Variants in ROBO2 observed in about 807,000 individuals in gnomAD.
ROBO2 encodes the protein roundabout homolog 2.
A neutral mutation model predicts 160.8 loss-of-function variants in ROBO2; 53 were observed. The observed-to-expected ratio is 0.33, with a 90% confidence interval of 0.26 to 0.41. The LOEUF is 0.41. Among genes scored for constraint, ROBO2 ranks in the 10% least tolerant of loss-of-function variants. The pLI, the probability that ROBO2 is intolerant of heterozygous loss-of-function variation, is 1.00. For missense variants in ROBO2, 1,577 were observed against 1,722.4 expected (o/e 0.92, Z 1.49); for synonymous variants, 664 against 611.7 (o/e 1.09, Z -1.26).
In ROBO2 at chr3:76,456,828, G is replaced by A. The variant is rs151155554; in HGVS notation, c.109+519226G>A. On this transcript the variant is annotated intron_variant, in intron 2 of 26. Transcript: ENST00000487694. ...TCAAAATCATGGTGGGAGGCGAAAA[G>A]CACTTCTTACATGGTGGCAGCAAGA... is the stretch of plus-strand genomic sequence containing the variant. Among the ~76,000 whole-genome samples, 1,010 of 152,224 alleles carry A rather than the reference G, an allele frequency of 6.6e-3. 13 individuals are homozygous for A. Among genetic ancestry groups the A allele is most frequent in the African/African-American group, 0.023 (958 of 41,540 alleles).
chr3:77,239,222 C>T (rs576536280), intron 2 of ROBO2, among the ~76,000 whole-genome samples: 71 of 152,230 alleles, frequency 4.7e-4, no homozygotes, highest in Non-Finnish European at 9.1e-4. Flanking sequence ...GAGTTTCTTC[C>T]TTCTGTTGGG....
At chr3:76,261,113 A>G (rs538531355) in intron 2 of ROBO2, among the ~76,000 whole-genome samples, 10 of 151,898 alleles carry the variant, frequency 6.6e-5, no homozygotes, top group Admixed American at 1.3e-4. Flanking sequence ...CTTAACTACA[A>G]GGGGAGTTTC....
At chr3:76,346,113 G>A (rs1465870123) in intron 2 of ROBO2, among the ~76,000 whole-genome samples, 2 of 152,124 alleles carry the variant, frequency 1.3e-5, no homozygotes, top group East Asian at 3.9e-4. Context: ...CCTTCTGGAA[G>A]CTTCCCTCTT....
At chr3:76,420,805 T>G (rs1230005748) in intron 2 of ROBO2, among the ~76,000 whole-genome samples, 1 of 152,260 alleles carries the variant, frequency 6.6e-6, no homozygotes, top group Non-Finnish European at 1.5e-5. Context: ...TTCTAACTGA[T>G]AGAAGCTATT....
chr3:76,474,041 G>GA (rs1202251917), intron 2 of ROBO2, among the ~76,000 whole-genome samples: 1 of 151,838 alleles, frequency 6.6e-6, no homozygotes. Context: ...ACAAAGAATG[G>GA]AAAAAAAGAA....
At chr3:76,393,616 G>A (rs915895155) in intron 2 of ROBO2, among the ~76,000 whole-genome samples, 1 of 152,132 alleles carries the variant, frequency 6.6e-6, no homozygotes. Flanking sequence ...AAACACTGTA[G>A]ATAATGAGGA....
At chr3:75,914,858 C>A (rs968355764) in intron 1 of ROBO2, among the ~76,000 whole-genome samples, 1 of 152,180 alleles carries the variant, frequency 6.6e-6, no homozygotes, top group Non-Finnish European at 1.5e-5. Context: ...GCAAGCACTT[C>A]CACCGAGTTT....
At chr3:77,370,785 C>G (rs2153476514) in intron 2 of ROBO2, among the ~76,000 whole-genome samples, 1 of 152,224 alleles carries the variant, frequency 6.6e-6, no homozygotes, top group Middle Eastern at 3.4e-3. Flanking sequence ...CAGAACACAG[C>G]CACACTCACT....
At chr3:76,960,313 G>T (rs1202478124) in intron 2 of ROBO2, among the ~76,000 whole-genome samples, 1 of 152,156 alleles carries the variant, frequency 6.6e-6, no homozygotes, top group Non-Finnish European at 1.5e-5. Flanking sequence ...GAAAGTTAGA[G>T]GTGCTATAAT....
At chr3:76,617,738 T>C (rs12496861) in intron 2 of ROBO2, among the ~76,000 whole-genome samples, 87,035 of 151,722 alleles carry the variant, frequency 0.57, 25,117 homozygotes, top group Middle Eastern at 0.7. Context: ...TAAAGAAATA[T>C]CCAAGACTAT....
chr3:76,976,855 G>A (rs1258654932), intron 2 of ROBO2, among the ~76,000 whole-genome samples: 1 of 152,154 alleles, frequency 6.6e-6, no homozygotes, highest in Non-Finnish European at 1.5e-5. Context: ...TAGGTGAAAA[G>A]TGATTACTGA....
At chr3:76,133,180 T>C (rs1296171351) in intron 2 of ROBO2, among the ~76,000 whole-genome samples, 1 of 152,096 alleles carries the variant, frequency 6.6e-6, no homozygotes, top group Non-Finnish European at 1.5e-5. Context: ...GTTAAACTTC[T>C]TAGCCCAGGG....
intron 2 of ROBO2, among the ~76,000 whole-genome samples, chr3:76,153,454 T>C (rs2072284509): frequency 6.6e-6 from 1 of 152,188 alleles, no homozygotes; most frequent in South Asian, 2.1e-4. Context: ...TTGTTGTTGT[T>C]GTATTGGTGG....
chr3:76,974,440 TA>T (rs1027981040), intron 2 of ROBO2, among the ~76,000 whole-genome samples: 6 of 152,132 alleles, frequency 3.9e-5, no homozygotes, highest in African/African-American at 1.4e-4. Context: ...CTTCACAAAA[TA>T]TGCATTATTT....
intron 2 of ROBO2, among the ~76,000 whole-genome samples, chr3:77,310,871 G>A (rs1052478008): frequency 2.6e-5 from 4 of 151,040 alleles, no homozygotes; most frequent in Non-Finnish European, 5.9e-5. Context: ...AAAAATAAAA[G>A]AACAGAAACT....
Position 77,458,616 on chromosome 3 carries a change from G to T in ROBO2, c.389-18798G>T, listed in dbSNP as rs148592109. ...TCTTTTTTTTTTTTATGAAAAAAAG[G>T]CAATTGTACAGAATCAAGCTCATAT... On this transcript the variant is annotated intron_variant, in intron 2 of 25. Transcript: ENST00000461745. 1.2e-3 allele frequency among the ~76,000 whole-genome samples: 183 copies of T among 151,346 alleles called. 4 individuals are homozygous for T. In the East Asian group the frequency reaches 0.021, roughly 17 times the overall value.
chr3:76,735,923 A>G (rs1267381875), intron 2 of ROBO2, among the ~76,000 whole-genome samples: 3 of 151,916 alleles, frequency 2.0e-5, no homozygotes, highest in Non-Finnish European at 4.4e-5. Context: ...GCACACCCCT[A>G]TTTTATTTAT....
At chr3:76,452,422 G>T (rs1198250260) in intron 2 of ROBO2, among the ~76,000 whole-genome samples, 2 of 152,028 alleles carry the variant, frequency 1.3e-5, no homozygotes, top group Non-Finnish European at 2.9e-5. Flanking sequence ...AGAACATGCG[G>T]TGTTTGTTTT....
intron 2 of ROBO2, among the ~76,000 whole-genome samples, chr3:76,709,974 C>T (rs968738806): frequency 6.6e-6 from 1 of 151,926 alleles, no homozygotes; most frequent in Middle Eastern, 3.4e-3. Context: ...CTCAACACAA[C>T]TTTAGAGGTA....
Sources: allele counts gnomAD v4.1 joint callset (sites outside exome capture counted in the v4.1 genomes callset), GRCh38; gene constraint gnomAD v4.1.1; transcripts MANE v1.5; gene names NCBI Gene and HGNC (gene_info 2026-07-23, HGNC 2026-07-21).